The following OSGEPL1 variants were observed in gnomAD, a reference collection of about 807,000 sequenced individuals.
OSGEPL1 encodes tRNA N6-adenosine threonylcarbamoyltransferase, mitochondrial.
A neutral mutation model predicts 37.2 loss-of-function variants in OSGEPL1; 26 were observed. The ratio of observed to expected loss-of-function variants is 0.70; its 90% CI spans 0.51 to 0.97. OSGEPL1 has a LOEUF of 0.97. Among genes scored for constraint, OSGEPL1 ranks in the 50% least tolerant of loss-of-function variants. The pLI is 0.00. For missense variants in OSGEPL1, 404 were observed against 487.0 expected (o/e 0.83, Z 1.60); for synonymous variants, 140 against 159.9 (o/e 0.88, Z 0.94).
chr2:189,752,768 G>A, intron 6 of OSGEPL1, 44 bp from the exon 7 acceptor site: 1 of 1,613,242 alleles, frequency 6.2e-7, no homozygotes, highest in Non-Finnish European at 8.5e-7. Context: ...TCCAAGATCT[G>A]AAGGAAGAAG....
In OSGEPL1 at chr2:189,748,273, G is replaced by A. The variant is rs1458085503; in HGVS notation, c.*29-1105C>T. Among the ~76,000 whole-genome samples the A allele has an allele frequency of 2.6e-5, 4 of 152,186 alleles. No individual in the cohort carries two copies. In the East Asian group the frequency reaches 7.7e-4, roughly 29 times the overall value. ...GTTGGACGGCAATAGTGCAATCATAGCTCACTGTAGCCTATAACTCCTGGG... is the reference window on the plus strand; with the variant it reads ...GTTGGACGGCAATAGTGCAATCATAACTCACTGTAGCCTATAACTCCTGGG... On this transcript the variant is annotated intron_variant, in intron 8 of 8. Transcript: ENST00000264151.
intron 2 of OSGEPL1, 97 bp from the exon 3 acceptor site, chr2:189,755,657 T>C: frequency 7.8e-7 from 1 of 1,285,746 alleles, no homozygotes. Flanking sequence ...TTAATCATTA[T>C]ATAGCTGAGT....
chr2:189,763,052 T>A (rs1392154874), upstream of OSGEPL1: 1 of 985,166 alleles, frequency 1.0e-6, no homozygotes, highest in Non-Finnish European at 1.2e-6. Context: ...AAGAAATTTT[T>A]TTTTTGCCCT....
At chr2:189,755,117 C>T (rs2045908196) in intron 3 of OSGEPL1, 56 bp downstream of exon 3, 5 of 1,564,704 alleles carry the variant, frequency 3.2e-6, no homozygotes, top group Non-Finnish European at 4.3e-6. Flanking sequence ...TCTATTGCTA[C>T]TTAGTTGAAA....
In OSGEPL1 at chr2:189,754,337, T is replaced by C. The variant is rs2045735888; in HGVS notation, c.618A>G (p.Arg206=). The change falls in exon 4 of 9, where the codon AGA becomes AGG. Residue 206 remains arginine, a synonymous_variant. Coordinates refer to ENST00000264151, the MANE Select transcript of OSGEPL1 (RefSeq NM_022353.3). ...APGDMLDKVA[R]RLSLIKHPEC... ...CTGGATGTTTTATTAAAGAAAGTCT[T>C]CTTGCCACCTATCAAAGAAACATAT... 6.2e-7 allele frequency: 1 copy of C among 1,600,888 alleles called. No individual in the cohort carries two copies. Among genetic ancestry groups the C allele is most frequent in the African/African-American group, 1.3e-5 (1 of 74,458 alleles).
rs758780308 is a variant in OSGEPL1 at position 189,761,644 on chromosome 2, TACTC to T, written c.-8_-5del. 1.1e-5 allele frequency: 18 copies of T among 1,572,154 alleles called. No homozygotes were observed. Among genetic ancestry groups the T allele is most frequent in the Middle Eastern group, 2.3e-4 (1 of 4,396 alleles). ...CAGTCTTAGTCAAGATTAGCATACT[TACTC>T]TATAGATAATTCCTGAAAAAGAATT... On this transcript the variant is annotated 5_prime_UTR_variant, in exon 2 of 9. Transcript: ENST00000264151.
rs1181921454 is a variant in OSGEPL1, at chr2:189,761,612, A to C, written c.29T>G (p.Val10Gly). 1 of 1,605,198 alleles carries C rather than the reference A, an allele frequency of 6.2e-7. No homozygotes were observed. The highest frequency in any genetic ancestry group is 1.7e-5 in the Admixed American group (1 of 58,790). The change falls in exon 2 of 9, where the codon GTT (valine) becomes GGT (glycine). Residue 10 changes from valine to glycine, a missense_variant. Physicochemically the swap from Val to Gly is moderately radical, Grantham distance 109. Coordinates refer to ENST00000264151, the MANE Select transcript of OSGEPL1 (RefSeq NM_022353.3). MLILTKTAG[V>G]FFKPSKRKVY... ...TTTCCTTTTTGATGGTTTAAAAAAA[A>C]CTCCTGCAGTCTTAGTCAAGATTAG...
chr2:189,761,968 T>C (rs1223325547), intron 1 of OSGEPL1, among the ~76,000 whole-genome samples: 1 of 152,210 alleles, frequency 6.6e-6, no homozygotes, highest in Non-Finnish European at 1.5e-5. Context: ...AAAAGTGCTA[T>C]TTATTTTTTG....
chr2:189,752,325 T>G (rs1256661046), intron 7 of OSGEPL1, among the ~76,000 whole-genome samples: 1 of 152,174 alleles, frequency 6.6e-6, no homozygotes, highest in Non-Finnish European at 1.5e-5. Context: ...TTTCCCAGCA[T>G]ACTTGCTGGT....
chr2:189,756,801 C>T lies in OSGEPL1; in HGVS notation c.222-1241G>A, dbSNP rs115909170. ...TCTAATTGTACTTTCCTAACTCTGTCCTTTGATCCTTAGAGCCCATCCTAT... is the reference window on the plus strand; with the variant it reads ...TCTAATTGTACTTTCCTAACTCTGTTCTTTGATCCTTAGAGCCCATCCTAT... On this transcript the variant is annotated intron_variant, in intron 2 of 8. Transcript: ENST00000264151. Among the ~76,000 whole-genome samples the T allele has an allele frequency of 7.2e-3, 1,099 of 152,264 alleles. 6 individuals carry two copies. The highest frequency in any genetic ancestry group is 0.013 in the Non-Finnish European group (867 of 68,014).
chr2:189,761,513 T>A lies in OSGEPL1; in HGVS notation c.128A>T (p.Glu43Val). The A allele has an allele frequency of 1.2e-6, 2 of 1,613,378 alleles. No homozygotes were observed. Among genetic ancestry groups the A allele is most frequent in the Non-Finnish European group, 1.7e-6 (2 of 1,179,602 alleles). ...AGCTGCTGTATCATCACAACTAGTTTCAATTCCCAATACTATTTTATGAAG... is the reference window on the plus strand; with the variant it reads ...AGCTGCTGTATCATCACAACTAGTTACAATTCCCAATACTATTTTATGAAG... The part of the protein sequence containing the change: ...LFLHKIVLGI[E>V]TSCDDTAAAV... Residue 43 changes from glutamate to valine, a missense_variant, in exon 2 of 9, where the codon GAA becomes GTA. Transcript: ENST00000264151.
At chr2:189,750,529 T>G in intron 8 of OSGEPL1, 21 bp downstream of exon 8, 1 of 955,982 alleles carries the variant, frequency 1.0e-6, no homozygotes, top group South Asian at 1.6e-5. Flanking sequence ...AATAAAAACT[T>G]AATTTTAACC....
rs2044256895 is a variant in OSGEPL1, at chr2:189,747,168, T to C, written c.*29A>G. ...CCGGGCAACATGGCAAGAGCCTGTCTCTACAAAAAATAGAAATAAAGTTGG... is the reference window on the plus strand; with the variant it reads ...CCGGGCAACATGGCAAGAGCCTGTCCCTACAAAAAATAGAAATAAAGTTGG... On this transcript the variant is annotated splice_region_variant and 3_prime_UTR_variant, in exon 9 of 9. Transcript: ENST00000264151. The C allele has an allele frequency of 6.6e-6, 1 of 152,298 alleles. No homozygotes were observed. The highest frequency in any genetic ancestry group is 2.4e-5 in the African/African-American group (1 of 41,352). 9.4% of individuals were successfully genotyped at this position (152,298 alleles called of 1,614,324 possible). A position where few individuals can be genotyped will look rare whatever the true frequency, so the allele number is the denominator to read the frequency against.
Position 189,762,769 on chromosome 2 carries a change from C to T in OSGEPL1, c.-105G>A, listed in dbSNP as rs570368325. 1.0e-5 allele frequency: 10 copies of T among 985,404 alleles called. No individual in the cohort carries two copies. The highest frequency in any genetic ancestry group is 1.2e-5 in the Non-Finnish European group (10 of 830,048). 61.0% of individuals were successfully genotyped at this position (985,404 alleles called of 1,614,324 possible). ...TGCCCTTATCGCTGCAGGAGAAAGCCCGAACCTGGCGCCCGGAAGTGATGT... is the reference window on the plus strand; with the variant it reads ...TGCCCTTATCGCTGCAGGAGAAAGCTCGAACCTGGCGCCCGGAAGTGATGT... On this transcript the variant is annotated 5_prime_UTR_variant, in exon 1 of 9. Coordinates refer to ENST00000264151, the MANE Select transcript of OSGEPL1 (RefSeq NM_022353.3).
intron 3 of OSGEPL1, 156 bp downstream of exon 3, chr2:189,755,017 T>C (rs1302751047): frequency 1.3e-6 from 1 of 796,234 alleles, no homozygotes; most frequent in East Asian, 2.7e-5. Context: ...AATTGTGTAC[T>C]ACTCTTTCTA....
At chr2:189,750,753 C>T in intron 7 of OSGEPL1, 97 bp from the exon 8 acceptor site, 6 of 827,626 alleles carry the variant, frequency 7.2e-6, no homozygotes, top group Non-Finnish European at 1.1e-5. Context: ...GTATAAATAT[C>T]AAATATTTAA....
chr2:189,759,501 C>T (rs751652673), intron 2 of OSGEPL1, among the ~76,000 whole-genome samples: 5 of 152,280 alleles, frequency 3.3e-5, no homozygotes, highest in South Asian at 2.1e-4. Flanking sequence ...CCACTTGCCT[C>T]GGCCTCCCAA....
chr2:189,755,121 G>C, intron 3 of OSGEPL1, 52 bp downstream of exon 3: 2 of 1,570,726 alleles, frequency 1.3e-6, no homozygotes, highest in Non-Finnish European at 1.7e-6. Context: ...TTGCTACTTA[G>C]TTGAAATGGA....
At chr2:189,754,112 C>G in intron 4 of OSGEPL1, 29 bp downstream of exon 4, 1 of 1,611,638 alleles carries the variant, frequency 6.2e-7, no homozygotes. Context: ...GAATATTTAT[C>G]TGTTCAACTT....
Sources: allele counts gnomAD v4.1 joint callset (sites outside exome capture counted in the v4.1 genomes callset), GRCh38; gene constraint gnomAD v4.1.1; transcripts MANE v1.5; gene names NCBI Gene and HGNC (gene_info 2026-07-23, HGNC 2026-07-21).